The following SPTY2D1 variants were observed in gnomAD, a reference collection of about 807,000 sequenced individuals.
SPTY2D1 encodes the protein SPT2 chromatin protein domain containing 1.
SPTY2D1 carries 21 observed loss-of-function variants against 64.0 expected under a neutral mutation model. The observed-to-expected ratio is 0.33, with a 90% CI of 0.23 to 0.47. SPTY2D1 has a LOEUF of 0.47. SPTY2D1 is among the 20% of genes least tolerant of loss of function. SPTY2D1 has a pLI of 1.00. For synonymous variants in SPTY2D1, 287 were observed against 286.8 expected, an observed-to-expected ratio of 1.00 and a Z score of -0.01; for missense variants, 724 against 837.2, an observed-to-expected ratio of 0.86 and a Z score of 1.67.
chr11:18,634,332 T>C lies in SPTY2D1; in HGVS notation c.-75A>G, dbSNP rs1854636644. The C allele has an allele frequency of 1.3e-6, 2 of 1,511,706 alleles. No homozygotes were observed. The highest frequency in any genetic ancestry group is 2.2e-5 in the South Asian group (2 of 89,030). The allele number at this position is 1,511,706 out of a possible 1,614,324, so 93.6% of individuals were successfully genotyped here. On this transcript the variant is annotated 5_prime_UTR_variant, in exon 1 of 6. Transcript: ENST00000336349. The stretch of plus-strand genomic sequence containing the variant: ...AGCGCACCTAACCGAGGCGCCCAGC[T>C]ACAGCCAACTGCACTGCCTCGGGAG...
At position 18,616,905 on chromosome 11, in the gene SPTY2D1, T is replaced by C. The variant is rs991437429; in HGVS notation, c.145A>G (p.Lys49Glu). 1 of 1,614,064 alleles carries C rather than the reference T, an allele frequency of 6.2e-7. No homozygotes were observed. Among genetic ancestry groups the C allele is most frequent in the African/African-American group, 1.3e-5 (1 of 74,942 alleles). ...VQSAAVQAFL[K>E]RKEEELRRKA... ...CGTCTCAGCTCCTCTTCTTTCCTTTTAAGAAAAGCTTGTACAGCTGCTGAT... is the reference window on the plus strand; with the variant it reads ...CGTCTCAGCTCCTCTTCTTTCCTTTCAAGAAAAGCTTGTACAGCTGCTGAT... Residue 49 changes from lysine to glutamate, a missense_variant, in exon 2 of 6, where the codon AAA (lysine) becomes GAA (glutamate). Coordinates refer to ENST00000336349, the MANE Select transcript of SPTY2D1 (RefSeq NM_194285.3).
In SPTY2D1 at chr11:18,615,691, G is replaced by A; in HGVS notation, c.583C>T (p.Arg195Ter). 2 of 1,613,968 alleles carry A rather than the reference G, an allele frequency of 1.2e-6. No individual in the cohort carries two copies. The highest frequency in any genetic ancestry group is 1.7e-6 in the Non-Finnish European group (2 of 1,180,014). ...CTAAGTTCTTCTGCGGTCATAGGTC[G>A]CTCTTCTGATTTCTTCACTACCTTG... is the stretch of plus-strand genomic sequence containing the variant. Reference protein sequence around the residue: ...EIKVVKKSEERPMTAEELRER... With the variant: ...EIKVVKKSEE Residue 195 changes from arginine (R) to a stop codon, truncating the protein, a stop_gained, in exon 3 of 6, where the codon CGA (arginine) becomes TGA (stop). Coordinates refer to ENST00000336349, the MANE Select transcript of SPTY2D1 (RefSeq NM_194285.3). LOFTEE classifies it high-confidence loss of function.
Position 18,614,683 on chromosome 11 carries a change from T to G in SPTY2D1, c.1591A>C (p.Ile531Leu). Reference protein sequence around the residue: ...GQTVSSSGPTIKPKCTVVSET... With the variant: ...GQTVSSSGPTLKPKCTVVSET... The stretch of plus-strand genomic sequence containing the variant: ...GAGACAACAGTGCACTTAGGCTTTA[T>G]AGTGGGACCTGAGCTACTAACTGTT... Residue 531 changes from isoleucine to leucine, a missense_variant, in exon 3 of 6, where the codon ATA (isoleucine) becomes CTA (leucine). Coordinates refer to ENST00000336349, the MANE Select transcript of SPTY2D1 (RefSeq NM_194285.3). The G allele has an allele frequency of 1.2e-6, 2 of 1,614,262 alleles. No homozygotes were observed. Among genetic ancestry groups the G allele is most frequent in the South Asian group, 2.2e-5 (2 of 91,090 alleles).
chr11:18,615,193 T>C lies in SPTY2D1; in HGVS notation c.1081A>G (p.Asn361Asp). The change falls in exon 3 of 6, where the codon AAT (asparagine) becomes GAT (aspartate). Residue 361 changes from asparagine (N) to aspartate (D), a missense_variant. Transcript: ENST00000336349. Reference protein sequence around the residue: ...SRPGPMVTPHNKAKSPGVRQP... With the variant: ...SRPGPMVTPHDKAKSPGVRQP... ...CTGACACCTGGACTCTTAGCCTTAT[T>C]GTGTGGGGTGACCATGGGCCCAGGC... The C allele has an allele frequency of 6.2e-7, 1 of 1,614,202 alleles. No homozygotes were observed. The highest frequency in any genetic ancestry group is 8.5e-7 in the Non-Finnish European group (1 of 1,180,022).
chr11:18,621,565 G>T (rs11024737), intron 1 of SPTY2D1, among the ~76,000 whole-genome samples: 55,141 of 151,854 alleles, frequency 0.36, 11,402 homozygotes, highest in Middle Eastern at 0.49. Flanking sequence ...TAATCATTAA[G>T]GATACTTAAG....
At chr11:18,620,886 CAAAA>C (rs10715602) in intron 1 of SPTY2D1, among the ~76,000 whole-genome samples, 1 of 122,022 alleles carries the variant, frequency 8.2e-6, no homozygotes. Context: ...GACTCTATCT[CAAAA>C]AAAAAAAAAA....
At position 18,612,715 on chromosome 11, in the gene SPTY2D1, G is replaced by C. The variant is rs1854226288; in HGVS notation, c.1712-227C>G. On this transcript the variant is annotated intron_variant, in intron 3 of 5. Coordinates refer to ENST00000336349, the MANE Select transcript of SPTY2D1 (RefSeq NM_194285.3). The surrounding 1 kb of genome is among the most constrained non-coding windows in gnomAD (Gnocchi z 4.6). ...CAGAAATATCTTGTTACATTTTCTA[G>C]CTTAGTAGTGCCAATATTTCTGAAT... Among the ~76,000 whole-genome samples, 1 of 151,720 alleles carries C rather than the reference G, an allele frequency of 6.6e-6. No homozygotes were observed. The highest frequency in any genetic ancestry group is 1.5e-5 in the Non-Finnish European group (1 of 67,944).
intron 1 of SPTY2D1, among the ~76,000 whole-genome samples, chr11:18,622,983 A>T (rs928535003): frequency 3.3e-5 from 5 of 151,896 alleles, no homozygotes; most frequent in Admixed American, 3.3e-4. Flanking sequence ...AACAACAACA[A>T]CAACAACAAC....
chr11:18,630,029 C>T lies in SPTY2D1; in HGVS notation c.60+4169G>A, dbSNP rs541227363. ...ACTAAAAATACAAAAATTAGCTGGG[C>T]GTGGTGGTGGGTGCCTGTAATCCCA... On this transcript the variant is annotated intron_variant, in intron 1 of 5. Transcript: ENST00000336349. 1.0e-4 allele frequency among the ~76,000 whole-genome samples: 15 copies of T among 148,790 alleles called. No individual in the cohort carries two copies. In the East Asian group the frequency reaches 2.0e-3, roughly 20 times the overall value.
chr11:18,615,387 G>A lies in SPTY2D1; in HGVS notation c.887C>T (p.Ser296Phe). 2 of 1,614,186 alleles carry A rather than the reference G, an allele frequency of 1.2e-6. No individual in the cohort carries two copies. Among genetic ancestry groups the A allele is most frequent in the Non-Finnish European group, 1.7e-6 (2 of 1,180,032 alleles). ...GTGGCCCTCACGAAGTGAGGGTTGGGAGCTATTGCCAGATCCTGCCTTGAT... is the reference window on the plus strand; with the variant it reads ...GTGGCCCTCACGAAGTGAGGGTTGGAAGCTATTGCCAGATCCTGCCTTGAT... Reference protein sequence around the residue: ...ERIKAGSGNSSQPSLREGHDK... With the variant: ...ERIKAGSGNSFQPSLREGHDK... Residue 296 changes from serine to phenylalanine, a missense_variant, in exon 3 of 6, where the codon TCC (serine) becomes TTC (phenylalanine). Transcript: ENST00000336349.
intron 5 of SPTY2D1, among the ~76,000 whole-genome samples, chr11:18,610,686 A>AAAAAAAAAAAAAAAC (rs1554987436): frequency 6.8e-6 from 1 of 147,188 alleles, no homozygotes; most frequent in African/African-American, 2.5e-5. Context: ...AAAAAAAAAA[A>AAAAAAAAAAAAAAAC]AACAACAATA....
chr11:18,631,481 T>C (rs1854586274), intron 1 of SPTY2D1, among the ~76,000 whole-genome samples: 1 of 151,648 alleles, frequency 6.6e-6, no homozygotes, highest in Non-Finnish European at 1.5e-5. Context: ...GGCTTGAACC[T>C]GCGAGGCGGA....
At chr11:18,633,917 A>C (rs1290130199) in intron 1 of SPTY2D1, among the ~76,000 whole-genome samples, 2 of 152,102 alleles carry the variant, frequency 1.3e-5, no homozygotes, top group Non-Finnish European at 2.9e-5. Context: ...CAGCTCACTC[A>C]CGGCTTTCAC....
At chr11:18,625,982 G>C (rs1854491244) in intron 1 of SPTY2D1, among the ~76,000 whole-genome samples, 1 of 151,858 alleles carries the variant, frequency 6.6e-6, no homozygotes, top group African/African-American at 2.4e-5. Context: ...ACCACACCCA[G>C]GTAATCTTTT....
chr11:18,616,732 G>GACACACACAC (rs72301459), intron 2 of SPTY2D1, 143 bp downstream of exon 2: 7,138 of 487,352 alleles, frequency 0.015, 39 homozygotes, highest in African/African-American at 0.038. Flanking sequence ...AGTTAACCTG[G>GACACACACAC]ACACACACAC....
chr11:18,629,431 G>A (rs1854550633), intron 1 of SPTY2D1, among the ~76,000 whole-genome samples: 1 of 152,078 alleles, frequency 6.6e-6, no homozygotes, highest in Admixed American at 6.6e-5. Context: ...TTGACCCCGG[G>A]TGGCAGAGGT....
chr11:18,622,855 G>A (rs1405151761), intron 1 of SPTY2D1, among the ~76,000 whole-genome samples: 1 of 151,472 alleles, frequency 6.6e-6, no homozygotes, highest in Non-Finnish European at 1.5e-5. Context: ...AGGAGGCTAA[G>A]GCAGGAGAAT....
intron 1 of SPTY2D1, among the ~76,000 whole-genome samples, chr11:18,630,842 G>A (rs1419195300): frequency 1.3e-5 from 2 of 152,044 alleles, no homozygotes; most frequent in African/African-American, 4.8e-5. Context: ...TTTCATTTGA[G>A]ACAGAGTCTC....
rs146397293 is a variant in SPTY2D1, at chr11:18,619,714, G to A, written c.61-2725C>T. On this transcript the variant is annotated intron_variant, in intron 1 of 5. Coordinates refer to ENST00000336349, the MANE Select transcript of SPTY2D1 (RefSeq NM_194285.3). Reference sequence around the variant, plus strand: ...GGAGGCTGCAGTGAGCCAAAATTGCGCCACTGCACTCCAGCCTGGTGACAG... The same window carrying A: ...GGAGGCTGCAGTGAGCCAAAATTGCACCACTGCACTCCAGCCTGGTGACAG... 1.6e-3 allele frequency among the ~76,000 whole-genome samples: 245 copies of A among 152,102 alleles called. 1 individual carries two copies. The East Asian group carries it at 0.029, about 18-fold the overall frequency.
Sources: gnomAD v4.1 joint callset for allele counts (sites outside exome capture counted in the v4.1 genomes callset) on GRCh38, gnomAD v4.1.1 for gene constraint, Gnocchi (gnomAD v3.1) non-coding constraint, MANE v1.5 for transcripts, NCBI Gene and HGNC (gene_info 2026-07-23, HGNC 2026-07-21) for gene names.